SEMA5A: variants seen among roughly 807,000 people sequenced by gnomAD.
The protein encoded by SEMA5A is semaphorin 5A.
Under a neutral mutation model 135.5 loss-of-function variants are expected in SEMA5A, and 55 were observed. That is an observed-to-expected ratio of 0.41 (90% CI 0.33 to 0.51). The LOEUF is 0.51. SEMA5A is among the 20% of genes least tolerant of loss of function. The probability of loss-of-function intolerance (pLI) is 0.37; values close to 1 mark genes in which losing one functional copy is unlikely to be tolerated. For synonymous variants in SEMA5A, 580 were observed against 546.5 expected (o/e 1.06, Z -0.85); for missense variants, 1,290 against 1,419.9 (o/e 0.91, Z 1.47).
At chr5:9,053,851 C>T in intron 19 of SEMA5A, 1 of 418,672 alleles carries the variant, frequency 2.4e-6, no homozygotes, top group Non-Finnish European at 4.2e-6. Context: ...CTTTAGCACT[C>T]TCCCATTGCT....
At chr5:9,495,688 C>A (rs1383518146) in intron 1 of SEMA5A, among the ~76,000 whole-genome samples, 1 of 152,162 alleles carries the variant, frequency 6.6e-6, no homozygotes, top group Non-Finnish European at 1.5e-5. Context: ...ACTGGCGGGG[C>A]CTCCGGCTCC....
intron 5 of SEMA5A, among the ~76,000 whole-genome samples, chr5:9,280,532 T>G (rs961808949): frequency 4.6e-5 from 7 of 152,170 alleles, no homozygotes; most frequent in Non-Finnish European, 8.8e-5. Context: ...TTACTATTCA[T>G]AGGAGAAGCT....
intron 21 of SEMA5A, among the ~76,000 whole-genome samples, 172 bp from the exon 22 acceptor site, chr5:9,044,756 A>G (rs1736158874): frequency 6.6e-6 from 1 of 152,120 alleles, no homozygotes; most frequent in Admixed American, 6.6e-5. Context: ...GGCCATCAAG[A>G]AACTTCTACA....
chr5:9,489,182 A>G (rs1394867994), intron 1 of SEMA5A, among the ~76,000 whole-genome samples: 2 of 152,148 alleles, frequency 1.3e-5, no homozygotes, highest in Admixed American at 6.6e-5. Flanking sequence ...CAAATAAAAG[A>G]AACAGAATTG....
At chr5:9,384,601 T>TAGAC (rs1755768510) in intron 2 of SEMA5A, among the ~76,000 whole-genome samples, 2 of 124,092 alleles carry the variant, frequency 1.6e-5, no homozygotes, top group African/African-American at 6.7e-5. Context: ...GATAGATAGA[T>TAGAC]AGATAGATAG....
chr5:9,090,788 A>C, intron 16 of SEMA5A, among the ~76,000 whole-genome samples: 1 of 152,340 alleles, frequency 6.6e-6, no homozygotes, highest in Non-Finnish European at 1.5e-5. Flanking sequence ...TCCCTCATAC[A>C]GAAGGGCACA....
chr5:9,136,396 T>C (rs1741749401), intron 13 of SEMA5A, 108 bp downstream of exon 13: 2 of 906,228 alleles, frequency 2.2e-6, no homozygotes, highest in Admixed American at 2.0e-5. Flanking sequence ...GCAAAAATGG[T>C]TCTCATATGA....
At position 9,038,946 on chromosome 5, in the gene SEMA5A, C is replaced by G. The variant is rs904509226; in HGVS notation, c.*3951G>C. On this transcript the variant is annotated 3_prime_UTR_variant, in exon 23 of 23. Transcript: ENST00000382496. ...GTTTCCCCATGTTGCCCAGGCTGGT[C>G]TCAAACTCCTGAGCTCAGGTGATCC... 4.6e-5 allele frequency: 7 copies of G among 152,358 alleles called. No homozygotes were observed. Among genetic ancestry groups the G allele is most frequent in the African/African-American group, 1.7e-4 (7 of 41,438 alleles). 9.4% of individuals were successfully genotyped at this position (152,358 alleles called of 1,614,324 possible).
chr5:9,369,850 G>A (rs78557609), intron 3 of SEMA5A, among the ~76,000 whole-genome samples: 2 of 151,206 alleles, frequency 1.3e-5, no homozygotes, highest in African/African-American at 2.4e-5. Context: ...TTCCATCGCT[G>A]ATGGAACATG....
chr5:9,070,031 T>C (rs896730707), intron 16 of SEMA5A, among the ~76,000 whole-genome samples: 1 of 152,156 alleles, frequency 6.6e-6, no homozygotes, highest in Non-Finnish European at 1.5e-5. Flanking sequence ...CGAGCCAGCC[T>C]GGCCAGATAA....
At chr5:9,290,281 A>G (rs1751015382) in intron 5 of SEMA5A, among the ~76,000 whole-genome samples, 1 of 152,188 alleles carries the variant, frequency 6.6e-6, no homozygotes, top group African/African-American at 2.4e-5. Flanking sequence ...AAGCACTCCC[A>G]TTATGAGTGA....
chr5:9,274,061 C>T (rs1750127726), intron 5 of SEMA5A, among the ~76,000 whole-genome samples: 1 of 152,110 alleles, frequency 6.6e-6, no homozygotes, highest in African/African-American at 2.4e-5. Flanking sequence ...GATAAAGAGT[C>T]AAGACCCATC....
At chr5:9,320,093 A>G (rs1390155706) in intron 4 of SEMA5A, among the ~76,000 whole-genome samples, 1 of 152,180 alleles carries the variant, frequency 6.6e-6, no homozygotes, top group Non-Finnish European at 1.5e-5. Flanking sequence ...TTCAGGTTTC[A>G]CACAGTTTGC....
At chr5:9,172,232 G>A (rs1407778434) in intron 11 of SEMA5A, among the ~76,000 whole-genome samples, 2 of 152,134 alleles carry the variant, frequency 1.3e-5, no homozygotes, top group Admixed American at 6.5e-5. Context: ...ATGCTGCCTA[G>A]AGATATTAAA....
chr5:9,157,809 GAC>G (rs1262190998), intron 11 of SEMA5A, among the ~76,000 whole-genome samples: 2 of 152,232 alleles, frequency 1.3e-5, no homozygotes, highest in East Asian at 3.8e-4. Flanking sequence ...GTGGCAGAAA[GAC>G]AGAGATGGCC....
At chr5:9,335,374 C>A (rs1711900131) in intron 4 of SEMA5A, among the ~76,000 whole-genome samples, 1 of 152,208 alleles carries the variant, frequency 6.6e-6, no homozygotes, top group Admixed American at 6.5e-5. Flanking sequence ...CATAAGACAT[C>A]TCTTCAAAAT....
Position 9,297,161 on chromosome 5 carries a change from C to CAT in SEMA5A, c.270+21209_270+21210dup, listed in dbSNP as rs556767852. On this transcript the variant is annotated intron_variant, in intron 5 of 22. Transcript: ENST00000382496. Reference sequence around the variant, plus strand: ...GTGACAAATTCAACCTAAAAAAATACATATATATATACATATACATATGTA... The same window carrying CAT: ...GTGACAAATTCAACCTAAAAAAATACATATATATATATACATATACATATGTA... Among the ~76,000 whole-genome samples, 337 of 151,812 alleles carry CAT rather than the reference C, an allele frequency of 2.2e-3. 2 individuals are homozygous for CAT. Among genetic ancestry groups the CAT allele is most frequent in the Non-Finnish European group, 3.3e-3 (221 of 67,934 alleles).
intron 1 of SEMA5A, among the ~76,000 whole-genome samples, chr5:9,458,963 AGTAG>A (rs930536068): frequency 6.6e-6 from 1 of 152,238 alleles, no homozygotes; most frequent in African/African-American, 2.4e-5. Context: ...AACTGATTCA[AGTAG>A]TCTTGGAAGA....
At chr5:9,213,275 G>T (rs760907091) in intron 8 of SEMA5A, among the ~76,000 whole-genome samples, 3 of 152,156 alleles carry the variant, frequency 2.0e-5, no homozygotes, top group Non-Finnish European at 2.9e-5. Context: ...AAAAATGTCC[G>T]TTGAGTGCTT....
Sources: gnomAD v4.1 joint callset for allele counts (sites outside exome capture counted in the v4.1 genomes callset) on GRCh38, gnomAD v4.1.1 for gene constraint, MANE v1.5 for transcripts, NCBI Gene and HGNC (gene_info 2026-07-23, HGNC 2026-07-21) for gene names.